PSMC3: variants seen among roughly 807,000 people sequenced by gnomAD.
The protein encoded by PSMC3 is proteasome 26S subunit, ATPase 3, also known as 26S proteasome regulatory subunit 6A.
A neutral mutation model predicts 52.0 loss-of-function variants in PSMC3; 11 were observed. The ratio of observed to expected loss-of-function variants is 0.21; its 90% confidence interval spans 0.13 to 0.35. The LOEUF is 0.35. Ranked by LOEUF, PSMC3 falls within the 10% of genes least tolerant of loss-of-function variation. The pLI is 1.00. For synonymous variants in PSMC3, 201 were observed against 218.8 expected (o/e 0.92, Z 0.72); for missense variants, 238 against 567.1 (o/e 0.42, Z 5.89).
In PSMC3 at chr11:47,422,984, G is replaced by GAAGT; in HGVS notation, c.592-15_592-12dup. 1 of 1,602,068 alleles carries GAAGT rather than the reference G, an allele frequency of 6.2e-7. No homozygotes were observed. The highest frequency in any genetic ancestry group is 8.5e-7 in the Non-Finnish European group (1 of 1,173,934). Reference sequence around the variant, plus strand: ...AATGGCCTCCACCAGCTGCCAGGAGGAAGTCCTGGGTGAGGAGATGAAGCC... The same window carrying GAAGT: ...AATGGCCTCCACCAGCTGCCAGGAGGAAGTAAGTCCTGGGTGAGGAGATGAAGCC... On this transcript the variant is annotated splice_polypyrimidine_tract_variant and intron_variant, in intron 6 of 11. Transcript: ENST00000298852. The surrounding 1 kb of genome is among the most constrained non-coding windows in gnomAD (Gnocchi z 4.3).
chr11:47,424,607 C>A lies in PSMC3; in HGVS notation c.390G>T (p.Gln130His), dbSNP rs777306127. 6.2e-7 allele frequency: 1 copy of A among 1,612,608 alleles called. No individual in the cohort carries two copies. The highest frequency in any genetic ancestry group is 1.1e-5 in the South Asian group (1 of 91,038). Reference sequence around the variant, plus strand: ...TCTCTCATTGCTGAGCCACGCTCACCTGTCGTGTAGAGGTTTTGATCACAG... The same window carrying A: ...TCTCTCATTGCTGAGCCACGCTCACATGTCGTGTAGAGGTTTTGATCACAG... Reference protein sequence around the residue: ...KCAVIKTSTRQTYFLPVIGLV... With the variant: ...KCAVIKTSTRHTYFLPVIGLV... Residue 130 changes from glutamine to histidine, a missense_variant and splice_region_variant, in exon 4 of 12, where the codon CAG (glutamine) becomes CAT (histidine). Coordinates refer to ENST00000298852, the MANE Select transcript of PSMC3 (RefSeq NM_002804.5). This position sits in a 1 kb window ranked among gnomAD's most constrained non-coding sequence, Gnocchi z 4.8.
chr11:47,419,813 C>G (rs572463650), intron 10 of PSMC3, among the ~76,000 whole-genome samples: 1 of 151,348 alleles, frequency 6.6e-6, no homozygotes, highest in African/African-American at 2.4e-5. Flanking sequence ...GAGCCGAGAT[C>G]GCGCCACTGT....
Position 47,422,917 on chromosome 11 carries a change from C to G in PSMC3, c.648G>C (p.Gly216=), listed in dbSNP as rs947518413. 1.2e-6 allele frequency: 2 copies of G among 1,613,776 alleles called. No individual in the cohort carries two copies. Among genetic ancestry groups the G allele is most frequent in the Non-Finnish European group, 1.7e-6 (2 of 1,179,932 alleles). ...MNHKEKFENL[G]IQPPKGVLMY... is the part of the protein sequence containing the mutation. ...TCAGCACCCCTTTTGGAGGTTGGAT[C>G]CCCAAGTTCTCAAACTTCTCCTTGT... Residue 216 remains glycine (G), a synonymous_variant, in exon 7 of 12, where the codon GGG becomes GGC. Transcript: ENST00000298852. The surrounding 1 kb of genome is among the most constrained non-coding windows in gnomAD (Gnocchi z 4.3).
rs2096042431 is a variant in PSMC3 at position 47,422,995 on chromosome 11, TGAG to T, written c.592-25_592-23del. On this transcript the variant is annotated intron_variant, in intron 6 of 11. Coordinates refer to ENST00000298852, the MANE Select transcript of PSMC3 (RefSeq NM_002804.5). The surrounding 1 kb of genome is among the most constrained non-coding windows in gnomAD (Gnocchi z 4.3). ...CCAGCTGCCAGGAGGAAGTCCTGGG[TGAG>T]GAGATGAAGCCCTGAGGGCTTCTAC... The T allele has an allele frequency of 6.3e-7, 1 of 1,594,460 alleles. No individual in the cohort carries two copies. The highest frequency in any genetic ancestry group is 8.5e-7 in the Non-Finnish European group (1 of 1,170,236).
rs760253015 is a variant in PSMC3, at chr11:47,426,122, C to T, written c.75+83G>A. The T allele has an allele frequency of 1.5e-5, 23 of 1,485,612 alleles. No homozygotes were observed. The South Asian group carries it at 2.1e-4, about 13-fold the overall frequency. 92.0% of individuals were successfully genotyped at this position (1,485,612 alleles called of 1,614,324 possible). A position where few individuals can be genotyped will look rare whatever the true frequency, so the allele number is the denominator to read the frequency against. ...TCCCCGGGATCGGGCCAGACCTTGACCCCCAGCCACCTCCTTCCCTCTTGT... is the reference window on the plus strand; with the variant it reads ...TCCCCGGGATCGGGCCAGACCTTGATCCCCAGCCACCTCCTTCCCTCTTGT... On this transcript the variant is annotated intron_variant, in intron 1 of 11. Coordinates refer to ENST00000298852, the MANE Select transcript of PSMC3 (RefSeq NM_002804.5).
chr11:47,419,291 C>A (rs973111105), intron 10 of PSMC3, 94 bp from the exon 11 acceptor site: 38 of 1,353,792 alleles, frequency 2.8e-5, no homozygotes, highest in Non-Finnish European at 4.0e-5. Context: ...GCAACAAAGT[C>A]AAGTTGCCCT....
At chr11:47,423,940 A>G (rs1034335635) in intron 6 of PSMC3, 106 bp downstream of exon 6, 1 of 1,488,222 alleles carries the variant, frequency 6.7e-7, no homozygotes, top group African/African-American at 1.4e-5. Flanking sequence ...CTTCCTCCCT[A>G]GGTTGCTATG....
intron 1 of PSMC3, 23 bp from the exon 2 acceptor site, chr11:47,425,973 T>G: frequency 6.3e-7 from 1 of 1,595,560 alleles, no homozygotes; most frequent in Non-Finnish European, 8.6e-7. Flanking sequence ...ATTTGTTTAT[T>G]TATATATTTA....
chr11:47,425,118 C>A lies in PSMC3; in HGVS notation c.285+3G>T. 6.2e-7 allele frequency: 1 copy of A among 1,614,154 alleles called. No individual in the cohort carries two copies. The highest frequency in any genetic ancestry group is 8.5e-7 in the Non-Finnish European group (1 of 1,180,018). ...CTCTCTTCCCCTCCACATACACACA[C>A]ACCTCGATGACGTTGGAGACAAGGT... On this transcript the variant is annotated splice_donor_region_variant and intron_variant, in intron 3 of 11. Coordinates refer to ENST00000298852, the MANE Select transcript of PSMC3 (RefSeq NM_002804.5).
rs1471277295 is a variant in PSMC3, at chr11:47,423,793, A to AG, written c.591+252_591+253insC. ...AGTAAAAGCAAAACTCCATCTCGGA[A>AG]AAAAAAAAAAAAAGGACACTGGGCC... On this transcript the variant is annotated intron_variant, in intron 6 of 11. Transcript: ENST00000298852. Among the ~76,000 whole-genome samples the AG allele has an allele frequency of 4.3e-3, 5 of 1,162 alleles. No individual in the cohort carries two copies. The Non-Finnish European group carries it at 0.068, about 16-fold the overall frequency. 0.8% of individuals were successfully genotyped at this position (1,162 alleles called of 152,430 possible).
Position 47,425,106 on chromosome 11 carries a change from C to T in PSMC3, c.285+15G>A. ...CCTGCTGACTCCCTCTCTTCCCCTC[C>T]ACATACACACACACCTCGATGACGT... On this transcript the variant is annotated intron_variant, in intron 3 of 11. Transcript: ENST00000298852. The T allele has an allele frequency of 6.2e-7, 1 of 1,614,054 alleles. No individual in the cohort carries two copies. The highest frequency in any genetic ancestry group is 8.5e-7 in the Non-Finnish European group (1 of 1,179,950).
intron 9 of PSMC3, 59 bp from the exon 10 acceptor site, chr11:47,420,468 G>T: frequency 6.3e-7 from 1 of 1,576,802 alleles, no homozygotes; most frequent in Non-Finnish European, 8.6e-7. Context: ...GGCAGACACG[G>T]TCAAAAAAGG....
chr11:47,423,790 G>C (rs368559552), intron 6 of PSMC3, among the ~76,000 whole-genome samples: 5 of 17,588 alleles, frequency 2.8e-4, no homozygotes, highest in Non-Finnish European at 9.4e-4. Context: ...ACTCCATCTC[G>C]GAAAAAAAAA....
intron 2 of PSMC3, 137 bp downstream of exon 2, chr11:47,425,730 C>T: frequency 1.4e-6 from 1 of 724,956 alleles, no homozygotes; most frequent in South Asian, 1.9e-5. Flanking sequence ...TTTCTTTCCT[C>T]TCTTCCTGAT....
Position 47,424,509 on chromosome 11 carries a change from G to A in PSMC3, c.391-18C>T. The A allele has an allele frequency of 6.2e-7, 1 of 1,613,804 alleles. No homozygotes were observed. Among genetic ancestry groups the A allele is most frequent in the Middle Eastern group, 1.6e-4 (1 of 6,062 alleles). On this transcript the variant is annotated intron_variant, in intron 4 of 11. Transcript: ENST00000298852. The surrounding 1 kb of genome is among the most constrained non-coding windows in gnomAD (Gnocchi z 4.8). ...AAGTACGTCTGTGGACAAGTTACAG[G>A]GGCAGTCTCAGTTAGTGTCCTCAGG...
intron 2 of PSMC3, 93 bp downstream of exon 2, chr11:47,425,774 A>G (rs764391833): frequency 1.4e-5 from 16 of 1,107,580 alleles, no homozygotes; most frequent in Non-Finnish European, 2.1e-5. Flanking sequence ...TGTCTCCCCC[A>G]GGGTGCCCGA....
At position 47,422,255 on chromosome 11, in the gene PSMC3, G is replaced by C. The variant is rs2096041478; in HGVS notation, c.884+319C>G. Among the ~76,000 whole-genome samples, 1 of 152,044 alleles carries C rather than the reference G, an allele frequency of 6.6e-6. No homozygotes were observed. The highest frequency in any genetic ancestry group is 2.4e-5 in the African/African-American group (1 of 41,388). On this transcript the variant is annotated intron_variant, in intron 8 of 11. Coordinates refer to ENST00000298852, the MANE Select transcript of PSMC3 (RefSeq NM_002804.5). The surrounding 1 kb of genome is among the most constrained non-coding windows in gnomAD (Gnocchi z 4.3). ...GACAGGGTTTCACCATGTTAGCCAG[G>C]ATGGTCTCGATCTCCTGACCTCGTG...
At chr11:47,423,012 G>C (rs199570368) in intron 6 of PSMC3, 39 bp from the exon 7 acceptor site, 2 of 1,570,528 alleles carry the variant, frequency 1.3e-6, no homozygotes, top group East Asian at 2.2e-5. Context: ...ATGAAGCCCT[G>C]AGGGCTTCTA....
In PSMC3 at chr11:47,426,401, A is replaced by T; in HGVS notation, c.-122T>A. The T allele has an allele frequency of 3.3e-6, 3 of 907,268 alleles. No homozygotes were observed. The highest frequency in any genetic ancestry group is 4.9e-6 in the Non-Finnish European group (3 of 616,824). The allele number at this position is 907,268 out of a possible 1,614,324, so 56.2% of individuals were successfully genotyped here. A position where few individuals can be genotyped will look rare whatever the true frequency, so the allele number is the denominator to read the frequency against. ...CTCTCCCCACAAATCCCGACTCTTG[A>T]CCCGACCAGCTCCGGCCGTGCTGCG... On this transcript the variant is annotated 5_prime_UTR_variant, in exon 1 of 12. Transcript: ENST00000298852.
Sources: gnomAD v4.1 joint callset for allele counts (sites outside exome capture counted in the v4.1 genomes callset) on GRCh38, gnomAD v4.1.1 for gene constraint, Gnocchi (gnomAD v3.1) non-coding constraint, MANE v1.5 for transcripts, NCBI Gene and HGNC (gene_info 2026-07-23, HGNC 2026-07-21) for gene names.